Variants in FHIT observed in about 807,000 individuals in gnomAD.
FHIT encodes the protein bis(5'-adenosyl)-triphosphatase.
FHIT carries 19 observed loss-of-function variants against 17.9 expected under a neutral mutation model. The observed-to-expected ratio is 1.06, with a 90% CI of 0.74 to 1.56. The LOEUF is 1.56. Ranked by LOEUF, FHIT falls within the 40% of genes most tolerant of loss-of-function variation. The probability of loss-of-function intolerance (pLI) is 0.00; values close to 1 mark genes in which losing one functional copy is unlikely to be tolerated. For synonymous variants in FHIT, 81 were observed against 69.7 expected (o/e 1.16, Z -0.81); for missense variants, 248 against 189.2 (o/e 1.31, Z -1.82).
At chr3:60,231,121 T>C (rs1055287779) in intron 5 of FHIT, among the ~76,000 whole-genome samples, 1 of 152,252 alleles carries the variant, frequency 6.6e-6, no homozygotes, top group African/African-American at 2.4e-5. Context: ...CTCTGCCATC[T>C]TGCCTCTGAG....
chr3:60,857,152 A>AGG (rs1703422490), intron 3 of FHIT, among the ~76,000 whole-genome samples: 1 of 152,138 alleles, frequency 6.6e-6, no homozygotes. Context: ...GGTGTAATTT[A>AGG]CCATTGTGTG....
intron 5 of FHIT, among the ~76,000 whole-genome samples, chr3:60,456,029 C>T (rs2032068316): frequency 6.6e-6 from 1 of 152,066 alleles, no homozygotes. Flanking sequence ...CAAAAGATGG[C>T]CAATCCACGT....
At chr3:61,012,047 G>T (rs568960557) in intron 3 of FHIT, among the ~76,000 whole-genome samples, 1 of 152,300 alleles carries the variant, frequency 6.6e-6, no homozygotes, top group African/African-American at 2.4e-5. Context: ...AAGCTAATGA[G>T]TTAAATCTGC....
chr3:60,520,512 G>A (rs943308349), intron 5 of FHIT, among the ~76,000 whole-genome samples: 2 of 152,100 alleles, frequency 1.3e-5, no homozygotes, highest in East Asian at 1.9e-4. Context: ...GAAACATCTC[G>A]TCTAGAGAGC....
intron 5 of FHIT, among the ~76,000 whole-genome samples, chr3:60,440,265 G>A (rs750187361): frequency 7.9e-5 from 12 of 152,004 alleles, no homozygotes; most frequent in Non-Finnish European, 1.6e-4. Context: ...CCCAAGACTA[G>A]ACTTTTCTCC....
At chr3:60,540,940 G>T (rs559990558) in intron 4 of FHIT, among the ~76,000 whole-genome samples, 3 of 152,230 alleles carry the variant, frequency 2.0e-5, no homozygotes, top group South Asian at 4.1e-4. Context: ...CATCACTTGG[G>T]AACTTATTAG....
intron 3 of FHIT, among the ~76,000 whole-genome samples, chr3:60,906,612 C>A (rs1706438512): frequency 6.6e-6 from 1 of 152,116 alleles, no homozygotes; most frequent in Non-Finnish European, 1.5e-5. Flanking sequence ...CCAGGACATA[C>A]TCAAAGACTG....
chr3:60,214,112 T>C (rs944377725), intron 5 of FHIT, among the ~76,000 whole-genome samples: 1 of 152,168 alleles, frequency 6.6e-6, no homozygotes, highest in Non-Finnish European at 1.5e-5. Context: ...CTACCCTCAC[T>C]ACAAACAGAA....
At chr3:60,727,207 A>G (rs950755653) in intron 4 of FHIT, among the ~76,000 whole-genome samples, 2 of 152,164 alleles carry the variant, frequency 1.3e-5, no homozygotes, top group African/African-American at 4.8e-5. Flanking sequence ...CGGATCCTTA[A>G]AGCTCAGAAT....
chr3:60,084,815 A>C (rs1703430217), intron 5 of FHIT, among the ~76,000 whole-genome samples: 1 of 152,174 alleles, frequency 6.6e-6, no homozygotes, highest in Admixed American at 6.5e-5. Flanking sequence ...GGCATTTGTA[A>C]GTCTTCCTTG....
At chr3:60,570,288 C>T (rs2856014) in intron 4 of FHIT, among the ~76,000 whole-genome samples, 138,638 of 152,210 alleles carry the variant, frequency 0.91, 63,328 homozygotes, top group East Asian at 1. Flanking sequence ...AATAATCATA[C>T]TGAGGACGAA....
At chr3:59,949,343 T>C (rs1249335287) in intron 7 of FHIT, among the ~76,000 whole-genome samples, 2 of 152,196 alleles carry the variant, frequency 1.3e-5, no homozygotes, top group East Asian at 1.9e-4. Flanking sequence ...GCCTCACTCA[T>C]CTATGAACAG....
At chr3:60,090,745 C>T (rs973209826) in intron 5 of FHIT, among the ~76,000 whole-genome samples, 3 of 152,104 alleles carry the variant, frequency 2.0e-5, no homozygotes, top group Non-Finnish European at 4.4e-5. Flanking sequence ...AGTGTACCTG[C>T]CACCAGTCAG....
chr3:60,404,148 T>C (rs900008338), intron 5 of FHIT, among the ~76,000 whole-genome samples: 1 of 152,172 alleles, frequency 6.6e-6, no homozygotes, highest in African/African-American at 2.4e-5. Flanking sequence ...ATGAGAATAC[T>C]TTCGTTTTCA....
chr3:60,278,479 A>G (rs1437544571), intron 5 of FHIT, among the ~76,000 whole-genome samples: 1 of 152,164 alleles, frequency 6.6e-6, no homozygotes, highest in African/African-American at 2.4e-5. Context: ...GAAAACTGAG[A>G]TGTAATCATA....
chr3:60,385,608 C>G (rs1700976253), intron 5 of FHIT, among the ~76,000 whole-genome samples: 2 of 152,138 alleles, frequency 1.3e-5, no homozygotes, highest in East Asian at 3.9e-4. Context: ...GAAACAGGAT[C>G]TCACTTTGTC....
intron 4 of FHIT, among the ~76,000 whole-genome samples, chr3:60,561,964 G>A (rs902066546): frequency 1.3e-5 from 2 of 151,890 alleles, no homozygotes; most frequent in South Asian, 2.1e-4. Flanking sequence ...GAGAGAGAGA[G>A]AAAGATAATT....
At chr3:59,786,651 A>G (rs1699312448) in intron 8 of FHIT, among the ~76,000 whole-genome samples, 1 of 152,228 alleles carries the variant, frequency 6.6e-6, no homozygotes, top group Non-Finnish European at 1.5e-5. Context: ...TGTAACCTCA[A>G]TGTAGGAAAG....
intron 8 of FHIT, among the ~76,000 whole-genome samples, chr3:59,898,601 G>A (rs143621105): frequency 6.6e-6 from 1 of 152,254 alleles, no homozygotes; most frequent in Admixed American, 6.5e-5. Flanking sequence ...GTAACAAGCA[G>A]CTGCATCATT....
Sources: gnomAD v4.1 joint callset for allele counts (sites outside exome capture counted in the v4.1 genomes callset) on GRCh38, gnomAD v4.1.1 for gene constraint, MANE v1.5 for transcripts, NCBI Gene and HGNC (gene_info 2026-07-23, HGNC 2026-07-21) for gene names.